KDM4C: variants seen among roughly 807,000 people sequenced by gnomAD.
KDM4C encodes lysine demethylase 4C, also known as lysine-specific demethylase 4C.
In KDM4C, 81 loss-of-function variants were observed where a neutral mutation model predicts 129.3. The ratio of observed to expected loss-of-function variants is 0.63; its 90% CI spans 0.52 to 0.75. The LOEUF is 0.75. Among genes scored for constraint, KDM4C ranks in the 30% least tolerant of loss-of-function variants. The probability of loss-of-function intolerance (pLI) is 0.00; values close to 1 mark genes in which losing one functional copy is unlikely to be tolerated. For synonymous variants in KDM4C, 573 were observed against 456.1 expected (o/e 1.26, Z -3.26); for missense variants, 1,457 against 1,304.0 (o/e 1.12, Z -1.81).
intron 4 of KDM4C, among the ~76,000 whole-genome samples, chr9:6,832,461 T>C (rs1835020437): frequency 7.0e-6 from 1 of 143,602 alleles, no homozygotes; most frequent in Non-Finnish European, 1.5e-5. Context: ...AGTCTCGCTC[T>C]GTCACCCAGG....
intron 17 of KDM4C, among the ~76,000 whole-genome samples, chr9:7,096,199 A>G (rs1836414976): frequency 6.6e-6 from 1 of 152,256 alleles, no homozygotes; most frequent in African/African-American, 2.4e-5. Flanking sequence ...CAACATACAT[A>G]ACAATTGCTT....
intron 12 of KDM4C, among the ~76,000 whole-genome samples, chr9:7,005,370 G>A (rs1283859455): frequency 6.7e-6 from 1 of 150,088 alleles, no homozygotes; most frequent in Admixed American, 6.7e-5. Context: ...AGGAGGCGGA[G>A]GTTTCAGTGA....
chr9:7,112,881 T>C (rs918841143), intron 18 of KDM4C, among the ~76,000 whole-genome samples: 4 of 152,256 alleles, frequency 2.6e-5, no homozygotes. Flanking sequence ...GGTGTCTTTA[T>C]GTTTTGCCGA....
intron 1 of KDM4C, among the ~76,000 whole-genome samples, chr9:6,751,029 A>C (rs2130304745): frequency 6.6e-6 from 1 of 152,322 alleles, no homozygotes; most frequent in East Asian, 1.9e-4. Context: ...GAACTTCCTT[A>C]CATGACAGTC....
intron 5 of KDM4C, among the ~76,000 whole-genome samples, chr9:6,864,650 T>C (rs971818441): frequency 6.6e-6 from 1 of 151,694 alleles, no homozygotes; most frequent in Admixed American, 6.6e-5. Flanking sequence ...TTTTTTTAAA[T>C]TTATTTTATT....
chr9:6,737,733 T>A, intron 1 of KDM4C, among the ~76,000 whole-genome samples: 1 of 150,462 alleles, frequency 6.6e-6, no homozygotes. Flanking sequence ...AGACATACAC[T>A]TGGACAACAT....
intron 19 of KDM4C, among the ~76,000 whole-genome samples, chr9:7,160,182 A>T (rs1228025050): frequency 6.6e-6 from 1 of 152,130 alleles, no homozygotes; most frequent in African/African-American, 2.4e-5. Flanking sequence ...CAGCTCTGTC[A>T]GGTCATTTAA....
intron 8 of KDM4C, among the ~76,000 whole-genome samples, chr9:6,901,843 A>T (rs971494275): frequency 2.0e-5 from 3 of 152,200 alleles, no homozygotes; most frequent in African/African-American, 7.2e-5. Context: ...TGGCTAAAAA[A>T]CTAAGTAAGA....
rs577946102 is a variant in KDM4C, at chr9:6,860,888, C to G, written c.629+11188C>G. Among the ~76,000 whole-genome samples the G allele has an allele frequency of 2.6e-5, 4 of 152,238 alleles. No individual in the cohort carries two copies. In the East Asian group the frequency reaches 7.7e-4, roughly 29 times the overall value. ...TTAAAATCTTATGAAGGTTGATTAA[C>G]TTACCCCAACTAACTCCTTTTTTGT... is the stretch of plus-strand genomic sequence containing the variant. On this transcript the variant is annotated intron_variant, in intron 5 of 21. Coordinates refer to ENST00000381309, the MANE Select transcript of KDM4C (RefSeq NM_015061.6).
At chr9:7,131,885 T>C (rs1326591419) in intron 19 of KDM4C, among the ~76,000 whole-genome samples, 1 of 152,258 alleles carries the variant, frequency 6.6e-6, no homozygotes, top group Non-Finnish European at 1.5e-5. Flanking sequence ...TTAGGTGATA[T>C]ACCTGTAGCA....
chr9:7,014,013 T>C lies in KDM4C; in HGVS notation c.2182+12T>C, dbSNP rs1329600949. 1.3e-6 allele frequency: 2 copies of C among 1,596,932 alleles called. No individual in the cohort carries two copies. Among genetic ancestry groups the C allele is most frequent in the East Asian group, 4.5e-5 (2 of 44,684 alleles). Reference sequence around the variant, plus strand: ...ACGGGTTCATGCAAGTAAATGGATCTATAATTCATCAATCACTGGCTTTTC... The same window carrying C: ...ACGGGTTCATGCAAGTAAATGGATCCATAATTCATCAATCACTGGCTTTTC... On this transcript the variant is annotated intron_variant, in intron 14 of 21. Coordinates refer to ENST00000381309, the MANE Select transcript of KDM4C (RefSeq NM_015061.6).
chr9:6,929,038 C>G (rs1271990063), intron 8 of KDM4C, among the ~76,000 whole-genome samples: 2 of 152,162 alleles, frequency 1.3e-5, no homozygotes, highest in African/African-American at 4.8e-5. Flanking sequence ...TATGCTGTTG[C>G]CAGGAATATC....
At chr9:6,779,032 C>CTTTTTTTTTTTTTTTTT (rs60503128) in intron 1 of KDM4C, among the ~76,000 whole-genome samples, 4 of 94,630 alleles carry the variant, frequency 4.2e-5, no homozygotes, top group Admixed American at 1.2e-4. Flanking sequence ...TGATTAAAGT[C>CTTTTTTTTTTTTTTTTT]TTTTTTTTTT....
chr9:6,757,285 G>T (rs1192384934), upstream of KDM4C, among the ~76,000 whole-genome samples: 2 of 147,716 alleles, frequency 1.4e-5, no homozygotes, highest in Non-Finnish European at 3.0e-5. Context: ...GCCAGCCCAG[G>T]ATTCCTATTG....
At chr9:7,039,570 A>G (rs541276930) in intron 15 of KDM4C, among the ~76,000 whole-genome samples, 1 of 152,216 alleles carries the variant, frequency 6.6e-6, no homozygotes, top group South Asian at 2.1e-4. Context: ...GGACTCCCCC[A>G]ATACCTAACT....
intron 8 of KDM4C, chr9:6,974,730 G>C (rs1832650723): frequency 2.0e-5 from 3 of 152,184 alleles, no homozygotes; most frequent in Admixed American, 1.3e-4. Flanking sequence ...ATCTCTAAGA[G>C]TGTGCAGAGC....
intron 18 of KDM4C, among the ~76,000 whole-genome samples, chr9:7,118,731 G>T (rs1310787070): frequency 6.6e-6 from 1 of 152,164 alleles, no homozygotes; most frequent in Non-Finnish European, 1.5e-5. Context: ...AGCCTTGCTG[G>T]TGCTGTGGGT....
chr9:6,910,991 T>TA (rs1819194575), intron 8 of KDM4C, among the ~76,000 whole-genome samples: 1 of 152,184 alleles, frequency 6.6e-6, no homozygotes. Context: ...TTTGAATGCT[T>TA]ACTTGTATTA....
chr9:7,139,730 T>C (rs1432765497), intron 19 of KDM4C, among the ~76,000 whole-genome samples: 1 of 152,236 alleles, frequency 6.6e-6, no homozygotes, highest in Non-Finnish European at 1.5e-5. Context: ...ATTTCAATAC[T>C]AGTAAAACCT....
Sources: allele counts gnomAD v4.1 joint callset (sites outside exome capture counted in the v4.1 genomes callset), GRCh38; gene constraint gnomAD v4.1.1; transcripts MANE v1.5; gene names NCBI Gene and HGNC (gene_info 2026-07-23, HGNC 2026-07-21).